Variants in PCDHGA5 observed in about 807,000 individuals in gnomAD.
PCDHGA5 encodes protocadherin gamma-A5.
PCDHGA5 carries 36 observed loss-of-function variants against 56.7 expected under a neutral mutation model. The ratio of observed to expected loss-of-function variants is 0.64; its 90% CI spans 0.49 to 0.84. The LOEUF is 0.84. PCDHGA5 is among the 40% of genes least tolerant of loss of function. The probability of loss-of-function intolerance (pLI) is 0.00; values close to 1 mark genes in which losing one functional copy is unlikely to be tolerated. For synonymous variants in PCDHGA5, 563 were observed against 520.2 expected (o/e 1.08, Z -1.12); for missense variants, 1,305 against 1,201.5 (o/e 1.09, Z -1.27).
intron 1 of PCDHGA5, chr5:141,416,166 T>C (rs2096001393): frequency 6.5e-6 from 1 of 152,744 alleles, no homozygotes; most frequent in Admixed American, 6.5e-5. Flanking sequence ...CAGTTGAATA[T>C]ACTAAGTTTT....
At chr5:141,497,568 C>G (rs1012946741) in intron 2 of PCDHGA5, among the ~76,000 whole-genome samples, 2 of 140,602 alleles carry the variant, frequency 1.4e-5, no homozygotes, top group African/African-American at 5.4e-5. Flanking sequence ...TAGACAGAGT[C>G]TTGCTCTGTT....
chr5:141,410,682 C>T (rs1589771736), intron 1 of PCDHGA5: 2 of 1,531,954 alleles, frequency 1.3e-6, no homozygotes, highest in South Asian at 1.2e-5. Context: ...ATATTTTAGG[C>T]ATACTACTTT....
At chr5:141,385,412 G>T in intron 1 of PCDHGA5, 1 of 1,472,506 alleles carries the variant, frequency 6.8e-7, no homozygotes, top group Admixed American at 2.7e-5. Context: ...TTGAAAATAG[G>T]GATTTAAAAA....
intron 1 of PCDHGA5, chr5:141,398,838 T>C: frequency 6.2e-7 from 1 of 1,613,946 alleles, no homozygotes; most frequent in Non-Finnish European, 8.5e-7. Context: ...ACGCCAATGA[T>C]AATCCCCCGG....
chr5:141,460,092 T>C (rs186695697), intron 1 of PCDHGA5, among the ~76,000 whole-genome samples: 37 of 152,056 alleles, frequency 2.4e-4, no homozygotes, highest in Admixed American at 9.8e-4. Context: ...ATAATAATTA[T>C]ACATGTAATT....
rs2099606506 is a variant in PCDHGA5 at position 141,485,072 on chromosome 5, G to A, written c.2422-9735G>A. ...CCGGCCGAACCGCGCCAGAGCTGGC[G>A]CGGGGAAAGGGAGATAGGTGTCTCC... On this transcript the variant is annotated intron_variant, in intron 1 of 3. Transcript: ENST00000518069. This position sits in a 1 kb window ranked among gnomAD's most constrained non-coding sequence, Gnocchi z 5.7. 2 of 916,892 alleles carry A rather than the reference G, an allele frequency of 2.2e-6. No homozygotes were observed. The highest frequency in any genetic ancestry group is 3.4e-6 in the Non-Finnish European group (2 of 587,886). The allele number at this position is 916,892 out of a possible 1,614,324, so 56.8% of individuals were successfully genotyped here.
rs776737236 is a variant in PCDHGA5, at chr5:141,431,439, G to T, written c.2422-63368G>T. 20 of 1,613,724 alleles carry T rather than the reference G, an allele frequency of 1.2e-5. No individual in the cohort carries two copies. The highest frequency in any genetic ancestry group is 4.5e-5 in the East Asian group (2 of 44,888). Reference sequence around the variant, plus strand: ...GACCCGGTGCGCACAGGCACCGCGCGCATCCGCGTGATGGTTCTGGATGCG... The same window carrying T: ...GACCCGGTGCGCACAGGCACCGCGCTCATCCGCGTGATGGTTCTGGATGCG... On this transcript the variant is annotated intron_variant, in intron 1 of 3. Coordinates refer to ENST00000518069, the MANE Select transcript of PCDHGA5 (RefSeq NM_018918.3). This position sits in a 1 kb window ranked among gnomAD's most constrained non-coding sequence, Gnocchi z 4.8.
Position 141,371,610 on chromosome 5 carries a change from A to G in PCDHGA5, c.2421+4859A>G, listed in dbSNP as rs1767883802. 2.5e-6 allele frequency: 4 copies of G among 1,613,888 alleles called. No homozygotes were observed. In the East Asian group the frequency reaches 8.9e-5, roughly 36 times the overall value. On this transcript the variant is annotated intron_variant, in intron 1 of 3. Coordinates refer to ENST00000518069, the MANE Select transcript of PCDHGA5 (RefSeq NM_018918.3). ...TACCAAAAACACATACAGGTTGGTG[A>G]CAGATGGAGCCCTGGACCGGGAGCA...
chr5:141,367,060 T>C lies in PCDHGA5; in HGVS notation c.2421+309T>C, dbSNP rs1764930481. 3 of 310,714 alleles carry C rather than the reference T, an allele frequency of 9.7e-6. No individual in the cohort carries two copies. In the Admixed American group the frequency reaches 1.4e-4, roughly 15 times the overall value. 19.2% of individuals were successfully genotyped at this position (310,714 alleles called of 1,614,324 possible). On this transcript the variant is annotated intron_variant, in intron 1 of 3. Coordinates refer to ENST00000518069, the MANE Select transcript of PCDHGA5 (RefSeq NM_018918.3). ...TTCTATTAATAGAAAAGATGTTTTA[T>C]TTATTCAAATTGTTAGATATATTGT...
Position 141,477,044 on chromosome 5 carries a change from C to T in PCDHGA5, c.2422-17763C>T, listed in dbSNP as rs750525889. ...CGGGATGCTGACAATCAAGGGTCGG[C>T]TGGACTTCGAGGACACCAAACTCCA... On this transcript the variant is annotated intron_variant, in intron 1 of 3. Coordinates refer to ENST00000518069, the MANE Select transcript of PCDHGA5 (RefSeq NM_018918.3). The surrounding 1 kb of genome is among the most constrained non-coding windows in gnomAD (Gnocchi z 4.9). 6.2e-7 allele frequency: 1 copy of T among 1,614,246 alleles called. No individual in the cohort carries two copies. Among genetic ancestry groups the T allele is most frequent in the Non-Finnish European group, 8.5e-7 (1 of 1,180,034 alleles).
chr5:141,374,444 G>A (rs1371044841), intron 1 of PCDHGA5: 1 of 1,613,848 alleles, frequency 6.2e-7, no homozygotes, highest in Non-Finnish European at 8.5e-7. Flanking sequence ...TCCCGTGGAA[G>A]TGGAAATAGT....
intron 1 of PCDHGA5, chr5:141,383,606 A>G (rs368778165): frequency 6.2e-7 from 1 of 1,613,768 alleles, no homozygotes; most frequent in Non-Finnish European, 8.5e-7. Flanking sequence ...GTGGATGTGA[A>G]TGACCACACG....
At chr5:141,370,526 C>G in intron 1 of PCDHGA5, 1 of 1,613,860 alleles carries the variant, frequency 6.2e-7, no homozygotes, top group Non-Finnish European at 8.5e-7. Flanking sequence ...TGGACAGGGG[C>G]TCGCTGGTAG....
chr5:141,464,517 G>A lies in PCDHGA5; in HGVS notation c.2422-30290G>A, dbSNP rs1487703873. 2.0e-5 allele frequency among the ~76,000 whole-genome samples: 3 copies of A among 151,862 alleles called. No individual in the cohort carries two copies. In the South Asian group the frequency reaches 6.2e-4, roughly 32 times the overall value. On this transcript the variant is annotated intron_variant, in intron 1 of 3. Transcript: ENST00000518069. ...GTGATTGCTGCATCATAAGGTAAAG[G>A]CATATGTAGTTTTGTTAAATATAGC...
chr5:141,451,148 G>A (rs536843411), intron 1 of PCDHGA5, among the ~76,000 whole-genome samples: 2 of 152,154 alleles, frequency 1.3e-5, no homozygotes, highest in East Asian at 3.9e-4. Flanking sequence ...ATTTAGACTA[G>A]ACATTTTTTT....
At chr5:141,421,846 G>A (rs1187020807) in intron 1 of PCDHGA5, 2 of 1,613,642 alleles carry the variant, frequency 1.2e-6, no homozygotes, top group East Asian at 4.5e-5. Context: ...AGAGAAAGAG[G>A]CTGCTCACCT....
chr5:141,414,843 G>T (rs2095794241), intron 1 of PCDHGA5: 1 of 1,614,100 alleles, frequency 6.2e-7, no homozygotes, highest in Admixed American at 1.7e-5. Context: ...GCCTGTTTGT[G>T]CTGGACCAGA....
chr5:141,400,590 T>G (rs775174347), intron 1 of PCDHGA5: 2 of 1,604,848 alleles, frequency 1.2e-6, no homozygotes, highest in South Asian at 1.1e-5. Flanking sequence ...CATGAAACTA[T>G]CGTACATTTT....
intron 1 of PCDHGA5, chr5:141,374,661 A>G: frequency 6.2e-7 from 1 of 1,611,830 alleles, no homozygotes; most frequent in Non-Finnish European, 8.5e-7. Context: ...AAGTACCCGG[A>G]GCTGGTGCTG....
Sources: gnomAD v4.1 joint callset for allele counts (sites outside exome capture counted in the v4.1 genomes callset) on GRCh38, gnomAD v4.1.1 for gene constraint, Gnocchi (gnomAD v3.1) non-coding constraint, MANE v1.5 for transcripts, NCBI Gene and HGNC (gene_info 2026-07-23, HGNC 2026-07-21) for gene names.